The following ZNF609 variants were observed in gnomAD, a reference collection of about 807,000 sequenced individuals.
ZNF609 encodes zinc finger protein 609.
ZNF609 carries 11 observed loss-of-function variants against 109.5 expected under a neutral mutation model. The observed-to-expected ratio is 0.10, with a 90% CI of 0.06 to 0.17. The LOEUF (loss-of-function observed/expected upper bound fraction) is 0.17. Ranked by LOEUF, ZNF609 falls within the 10% of genes least tolerant of loss-of-function variation. The pLI is 1.00. For synonymous variants in ZNF609, 646 were observed against 662.0 expected (o/e 0.98, Z 0.37); for missense variants, 1,559 against 1,772.4 (o/e 0.88, Z 2.16).
At chr15:64,582,893 A>C (rs1895133682) in intron 2 of ZNF609, among the ~76,000 whole-genome samples, 1 of 150,248 alleles carries the variant, frequency 6.7e-6, no homozygotes, top group African/African-American at 2.4e-5. Flanking sequence ...CTGGGACTAC[A>C]GGCGCCCGCC....
At chr15:64,476,275 A>G (rs1404520597) in intron 1 of ZNF609, among the ~76,000 whole-genome samples, 1 of 116,236 alleles carries the variant, frequency 8.6e-6, no homozygotes, top group Non-Finnish European at 1.9e-5. Flanking sequence ...TTTAAGATCA[A>G]TGAACAAAAT....
At chr15:64,623,081 C>T (rs2140972759) in intron 3 of ZNF609, 29 bp downstream of exon 3, 1 of 1,601,954 alleles carries the variant, frequency 6.2e-7, no homozygotes, top group Non-Finnish European at 8.6e-7. Flanking sequence ...TTTCCCCTCC[C>T]TTCTCAACCT....
intron 5 of ZNF609, 113 bp downstream of exon 5, chr15:64,676,369 G>C: frequency 1.1e-6 from 1 of 913,522 alleles, no homozygotes; most frequent in South Asian, 2.4e-5. Flanking sequence ...TAGCAGGAGA[G>C]ATGTATAATT....
chr15:64,600,128 G>GACC (rs567397331), intron 2 of ZNF609, among the ~76,000 whole-genome samples: 2 of 152,242 alleles, frequency 1.3e-5, no homozygotes, highest in Non-Finnish European at 2.9e-5. Context: ...GACGAGCCTG[G>GACC]CCAACACAGC....
intron 3 of ZNF609, among the ~76,000 whole-genome samples, chr15:64,648,297 G>A (rs1896364832): frequency 6.6e-6 from 1 of 152,120 alleles, no homozygotes; most frequent in Non-Finnish European, 1.5e-5. Context: ...ACCAGACTGG[G>A]CAACATAGCA....
At chr15:64,618,599 C>T (rs1256461119) in intron 2 of ZNF609, among the ~76,000 whole-genome samples, 2 of 152,146 alleles carry the variant, frequency 1.3e-5, no homozygotes, top group Non-Finnish European at 2.9e-5. Flanking sequence ...GAAAGTAATG[C>T]TCAGCAGATT....
Position 64,680,259 on chromosome 15 carries a change from G to A in ZNF609, c.3844G>A (p.Ala1282Thr). 6.2e-7 allele frequency: 1 copy of A among 1,614,174 alleles called. No individual in the cohort carries two copies. The highest frequency in any genetic ancestry group is 8.5e-7 in the Non-Finnish European group (1 of 1,180,038). Reference sequence around the variant, plus strand: ...CTCAGGTGGTGAAGATGCTGACAAGGCACGAGCCAGCCCCAGTGTGACTTG... The same window carrying A: ...CTCAGGTGGTGAAGATGCTGACAAGACACGAGCCAGCCCCAGTGTGACTTG... ...KVSGGEDADK[A>T]RASPSVTCKS... is the part of the protein sequence containing the mutation. The change falls in exon 7 of 10, where the codon GCA (alanine) becomes ACA (threonine). Residue 1282 changes from alanine to threonine, a missense_variant. Physicochemically the swap from Ala to Thr is moderately conservative, Grantham distance 58 (BLOSUM62 0). Transcript: ENST00000326648.
At chr15:64,614,967 C>T (rs916972049) in intron 2 of ZNF609, among the ~76,000 whole-genome samples, 2 of 151,844 alleles carry the variant, frequency 1.3e-5, no homozygotes, top group African/African-American at 2.4e-5. Context: ...TGCAGGCACC[C>T]GCCACCACAC....
At chr15:64,656,591 C>T (rs1457963075) in intron 3 of ZNF609, among the ~76,000 whole-genome samples, 3 of 152,152 alleles carry the variant, frequency 2.0e-5, no homozygotes, top group Admixed American at 6.5e-5. Context: ...TTTCTCTGAC[C>T]TAACAGTCCA....
intron 2 of ZNF609, among the ~76,000 whole-genome samples, chr15:64,505,334 A>G (rs1324946861): frequency 6.6e-6 from 1 of 152,228 alleles, no homozygotes; most frequent in Non-Finnish European, 1.5e-5. Context: ...AGGTAAGAAA[A>G]AAAACCCTGT....
chr15:64,538,304 G>C lies in ZNF609; in HGVS notation c.747+38138G>C, dbSNP rs79893034. On this transcript the variant is annotated intron_variant, in intron 2 of 9. Coordinates refer to ENST00000326648, the MANE Select transcript of ZNF609 (RefSeq NM_015042.2). ...CAAAAAGTCAGTTGCTAAGACACTTGATGTCACAAACTGTTAACCATCCTG... is the reference window on the plus strand; with the variant it reads ...CAAAAAGTCAGTTGCTAAGACACTTCATGTCACAAACTGTTAACCATCCTG... Among the ~76,000 whole-genome samples, 551 of 152,294 alleles carry C rather than the reference G, an allele frequency of 3.6e-3. 2 individuals carry two copies. The highest frequency in any genetic ancestry group is 0.011 in the African/African-American group (474 of 41,566).
chr15:64,653,419 C>T (rs917275881), intron 3 of ZNF609, among the ~76,000 whole-genome samples: 6 of 152,052 alleles, frequency 3.9e-5, no homozygotes, highest in African/African-American at 9.7e-5. Context: ...TCGAGGTGGG[C>T]GGATTGCCTG....
At chr15:64,580,955 CTTTTTTTTTTTT>C (rs57690590) in intron 2 of ZNF609, among the ~76,000 whole-genome samples, 1 of 58,744 alleles carries the variant, frequency 1.7e-5, no homozygotes, top group South Asian at 7.3e-4. Flanking sequence ...TCAATGTCTT[CTTTTTTTTTTTT>C]TTTTTTTTTT....
Position 64,577,500 on chromosome 15 carries a change from CAT to C in ZNF609, c.748-45320_748-45319del, listed in dbSNP as rs559534553. Among the ~76,000 whole-genome samples, 250 of 40,182 alleles carry C rather than the reference CAT, an allele frequency of 6.2e-3. 9 individuals are homozygous for C. Among genetic ancestry groups the C allele is most frequent in the Admixed American group, 9.8e-3 (20 of 2,050 alleles). The allele number at this position is 40,182 out of a possible 152,430, so 26.4% of individuals were successfully genotyped here. ...ATATATATACACATATAAATATATA[CAT>C]ATATATGTATATATATACACATATA... On this transcript the variant is annotated intron_variant, in intron 2 of 9. Coordinates refer to ENST00000326648, the MANE Select transcript of ZNF609 (RefSeq NM_015042.2).
chr15:64,631,681 C>T (rs934856917), intron 3 of ZNF609, among the ~76,000 whole-genome samples: 2 of 151,544 alleles, frequency 1.3e-5, no homozygotes, highest in Admixed American at 6.6e-5. Flanking sequence ...TATAGGCATT[C>T]GCCACCATGC....
At chr15:64,563,450 C>CA (rs573467381) in intron 2 of ZNF609, among the ~76,000 whole-genome samples, 3,121 of 135,360 alleles carry the variant, frequency 0.023, 53 homozygotes, top group Non-Finnish European at 0.032. Context: ...AACCCTGCCT[C>CA]AAAAAAAAAA....
intron 1 of ZNF609, among the ~76,000 whole-genome samples, chr15:64,489,952 T>A (rs999032170): frequency 1.3e-5 from 2 of 151,714 alleles, no homozygotes; most frequent in Non-Finnish European, 2.9e-5. Flanking sequence ...GCAGAGCTTA[T>A]TTTTAAATTT....
At chr15:64,473,808 C>T (rs567287769) in intron 1 of ZNF609, among the ~76,000 whole-genome samples, 39 of 152,024 alleles carry the variant, frequency 2.6e-4, no homozygotes, top group African/African-American at 8.4e-4. Context: ...CTCAGTCTGT[C>T]GCCCACACCC....
At chr15:64,488,791 T>G (rs546887426) in intron 1 of ZNF609, among the ~76,000 whole-genome samples, 1 of 152,082 alleles carries the variant, frequency 6.6e-6, no homozygotes, top group Admixed American at 6.5e-5. Flanking sequence ...TGACCATGTT[T>G]AGAGATGAAG....
Sources: gnomAD v4.1 joint callset for allele counts (sites outside exome capture counted in the v4.1 genomes callset) on GRCh38, gnomAD v4.1.1 for gene constraint, MANE v1.5 for transcripts, NCBI Gene and HGNC (gene_info 2026-07-23, HGNC 2026-07-21) for gene names.